The following SLC45A4 variants were observed in gnomAD, a reference collection of about 807,000 sequenced individuals.
SLC45A4 encodes polyamine-transporter SLC45A4.
SLC45A4 carries 32 observed loss-of-function variants against 63.7 expected under a neutral mutation model. That is an observed-to-expected ratio of 0.50 (90% CI 0.38 to 0.67). The LOEUF is 0.67. SLC45A4 is among the 30% of genes least tolerant of loss of function. The probability of loss-of-function intolerance (pLI) is 0.00; values close to 1 mark genes in which losing one functional copy is unlikely to be tolerated. For synonymous variants in SLC45A4, 535 were observed against 510.0 expected (o/e 1.05, Z -0.66); for missense variants, 1,027 against 1,157.7 (o/e 0.89, Z 1.64).
Position 141,278,589 on chromosome 8 carries a change from G to C in SLC45A4, c.-400-23960C>G, listed in dbSNP as rs1589845059. Among the ~76,000 whole-genome samples the C allele has an allele frequency of 6.6e-6, 1 of 151,210 alleles. No individual in the cohort carries two copies. Among genetic ancestry groups the C allele is most frequent in the African/African-American group, 2.5e-5 (1 of 40,470 alleles). On this transcript the variant is annotated intron_variant, in intron 1 of 8. Transcript: ENST00000517878. The surrounding 1 kb of genome is among the most constrained non-coding windows in gnomAD (Gnocchi z 4.1). The stretch of plus-strand genomic sequence containing the variant: ...GGAGGTGGGGCGGGCAGCCGAAGGA[G>C]AGACAGGCCTCTGCCCCCTAGCCAC...
In SLC45A4 at chr8:141,308,141, CGGGCCGGGCA is replaced by C. The variant is rs1276127457; in HGVS notation, c.-456_-447del. ...CGCGGGGGCGGCGGGGCGGCCGGGC[CGGGCCGGGCA>C]GGGGCTACGGGGGCGCGGAGCCCCG... is the stretch of plus-strand genomic sequence containing the variant. On this transcript the variant is annotated 5_prime_UTR_variant, in exon 1 of 9. Coordinates refer to ENST00000517878, the MANE Select transcript of SLC45A4 (RefSeq NM_001286646.2). 1 of 146,112 alleles carries C rather than the reference CGGGCCGGGCA, an allele frequency of 6.8e-6. No individual in the cohort carries two copies. Among genetic ancestry groups the C allele is most frequent in the Non-Finnish European group, 1.5e-5 (1 of 65,670 alleles). The allele number at this position is 146,112 out of a possible 1,614,324, so 9.1% of individuals were successfully genotyped here. A position where few individuals can be genotyped will look rare whatever the true frequency, so the allele number is the denominator to read the frequency against.
intron 1 of SLC45A4, among the ~76,000 whole-genome samples, chr8:141,306,883 G>GAACAATTA (rs1830912467): frequency 6.6e-6 from 1 of 152,178 alleles, no homozygotes; most frequent in Non-Finnish European, 1.5e-5. Context: ...TCACTCATCT[G>GAACAATTA]GTAAACCCTC....
At chr8:141,246,287 C>T (rs11167040) in intron 2 of SLC45A4, among the ~76,000 whole-genome samples, 27,294 of 152,116 alleles carry the variant, frequency 0.18, 2,548 homozygotes, top group South Asian at 0.21. Flanking sequence ...AAACTGCACA[C>T]CACCCAGCGG....
chr8:141,219,921 G>A, intron 3 of SLC45A4, 92 bp from the exon 4 acceptor site: 2 of 1,265,822 alleles, frequency 1.6e-6, no homozygotes, highest in Non-Finnish European at 2.1e-6. Context: ...GGCATGCGGA[G>A]GGGGCACGGC....
chr8:141,262,526 A>C (rs112467242), intron 1 of SLC45A4, among the ~76,000 whole-genome samples: 5 of 151,818 alleles, frequency 3.3e-5, no homozygotes, highest in African/African-American at 1.2e-4. Context: ...TACAAGAAAA[A>C]AAACAACCCC....
At chr8:141,259,012 A>G (rs1828935411) in intron 1 of SLC45A4, among the ~76,000 whole-genome samples, 1 of 152,182 alleles carries the variant, frequency 6.6e-6, no homozygotes, top group South Asian at 2.1e-4. Flanking sequence ...CAGAGTCACA[A>G]GTCCACAGAA....
intron 2 of SLC45A4, among the ~76,000 whole-genome samples, chr8:141,242,528 G>C (rs778537653): frequency 6.6e-6 from 1 of 152,128 alleles, no homozygotes; most frequent in Non-Finnish European, 1.5e-5. Flanking sequence ...TATCAAGAAC[G>C]GGCGAGACAG....
chr8:141,267,842 A>T (rs564376871), intron 1 of SLC45A4, among the ~76,000 whole-genome samples: 102 of 152,206 alleles, frequency 6.7e-4, no homozygotes, highest in Non-Finnish European at 1.2e-3. Flanking sequence ...GGGCAGCAGG[A>T]ACGCTCGTTC....
chr8:141,245,297 T>C (rs182004917), intron 2 of SLC45A4, among the ~76,000 whole-genome samples: 49 of 152,290 alleles, frequency 3.2e-4, no homozygotes, highest in Middle Eastern at 3.4e-3. Context: ...ATTGGGTTGC[T>C]GGCTGCTGCT....
intron 2 of SLC45A4, among the ~76,000 whole-genome samples, chr8:141,233,181 C>T (rs1385759764): frequency 1.3e-5 from 2 of 152,202 alleles, no homozygotes; most frequent in Admixed American, 6.5e-5. Flanking sequence ...TAAGCTGGCT[C>T]TCAGGAGCCA....
In SLC45A4 at chr8:141,218,750, T is replaced by G; in HGVS notation, c.890A>C (p.Tyr297Ser). Reference protein sequence around the residue: ...VQSEHELALDYPDVDIMRSKS... With the variant: ...VQSEHELALDSPDVDIMRSKS... ...GCTGCGCATGATGTCCACGTCCGGGTAGTCCAGGGCCAGCTCGTGCTCCGA... is the reference window on the plus strand; with the variant it reads ...GCTGCGCATGATGTCCACGTCCGGGGAGTCCAGGGCCAGCTCGTGCTCCGA... The change falls in exon 5 of 9, where the codon TAC becomes TCC. Residue 297 changes from tyrosine to serine, a missense_variant. By Grantham distance (144) the Tyr-to-Ser change is moderately radical (BLOSUM62 -2). Transcript: ENST00000517878. The G allele has an allele frequency of 6.2e-7, 1 of 1,612,326 alleles. No homozygotes were observed. The highest frequency in any genetic ancestry group is 8.5e-7 in the Non-Finnish European group (1 of 1,179,530).
In SLC45A4 at chr8:141,256,927, C is replaced by T; in HGVS notation, c.-400-2298G>A. The T allele has an allele frequency of 8.1e-6, 2 of 245,704 alleles. No homozygotes were observed. The highest frequency in any genetic ancestry group is 2.3e-5 in the African/African-American group (1 of 42,996). 15.2% of individuals were successfully genotyped at this position (245,704 alleles called of 1,614,324 possible). A position where few individuals can be genotyped will look rare whatever the true frequency, so the allele number is the denominator to read the frequency against. ...GGAGTGCAGTGGTGTGATCTCGGCT[C>T]ACTGCAACCTCCGCCTCCCAGCTTC... On this transcript the variant is annotated intron_variant, in intron 1 of 8. Transcript: ENST00000517878. The surrounding 1 kb of genome is among the most constrained non-coding windows in gnomAD (Gnocchi z 4.3).
intron 2 of SLC45A4, among the ~76,000 whole-genome samples, chr8:141,250,837 C>T (rs1828431814): frequency 6.6e-6 from 1 of 151,740 alleles, no homozygotes; most frequent in South Asian, 2.1e-4. Context: ...TGTATTTGTC[C>T]TCCTAAATTA....
In SLC45A4 at chr8:141,215,737, C is replaced by T. The variant is rs763782384; in HGVS notation, c.1941+22G>A. On this transcript the variant is annotated intron_variant, in intron 7 of 8. Transcript: ENST00000517878. This position sits in a 1 kb window ranked among gnomAD's most constrained non-coding sequence, Gnocchi z 4.3. ...GCACTCAGGAGGCTGGAGCGCAGAT[C>T]TCAGGGCTACGGTGGACGCACCTGC... 6.2e-7 allele frequency: 1 copy of T among 1,610,562 alleles called. No individual in the cohort carries two copies. The highest frequency in any genetic ancestry group is 8.5e-7 in the Non-Finnish European group (1 of 1,179,652).
chr8:141,212,148 C>A (rs1474782275), intron 8 of SLC45A4, 49 bp downstream of exon 8: 1 of 742,880 alleles, frequency 1.3e-6, no homozygotes, highest in East Asian at 6.9e-5. Flanking sequence ...GCCCGCCCGC[C>A]CGCCCACCCG....
chr8:141,284,794 C>T (rs191016648), intron 1 of SLC45A4, among the ~76,000 whole-genome samples: 17 of 152,226 alleles, frequency 1.1e-4, no homozygotes, highest in Admixed American at 7.2e-4. Flanking sequence ...CAGGAGGCTC[C>T]TTGCCCCTCC....
Position 141,211,512 on chromosome 8 carries a change from C to A in SLC45A4, c.*60G>T, listed in dbSNP as rs778988987. On this transcript the variant is annotated 3_prime_UTR_variant, in exon 9 of 9. Transcript: ENST00000517878. ...TTGGTGTGCGGTCGCTGCCCAAGGA[C>A]AGGGCTGCCCTGGGCACAATGTGTC... The A allele has an allele frequency of 1.5e-5, 24 of 1,611,234 alleles. No homozygotes were observed. In the Admixed American group the frequency reaches 3.2e-4, roughly 21 times the overall value.
At chr8:141,294,265 G>T (rs1830461228) in intron 1 of SLC45A4, among the ~76,000 whole-genome samples, 2 of 152,248 alleles carry the variant, frequency 1.3e-5, no homozygotes, top group African/African-American at 4.8e-5. Flanking sequence ...GACTGGTCAG[G>T]GTGGCTGGAC....
rs543682102 is a variant in SLC45A4, at chr8:141,212,170, G to A, written c.2301+27C>T. ...CGCCCGCCCACCCGCCCACTGGAAT[G>A]TGTGTAAACGGGAGTGCGGCTCAGA... On this transcript the variant is annotated intron_variant, in intron 8 of 8. Transcript: ENST00000517878. 1.7e-5 allele frequency: 11 copies of A among 638,406 alleles called. No individual in the cohort carries two copies. The South Asian group carries it at 5.9e-4, about 34-fold the overall frequency. 39.5% of individuals were successfully genotyped at this position (638,406 alleles called of 1,614,324 possible). A position where few individuals can be genotyped will look rare whatever the true frequency, so the allele number is the denominator to read the frequency against.
Sources: allele counts gnomAD v4.1 joint callset (sites outside exome capture counted in the v4.1 genomes callset), GRCh38; gene constraint gnomAD v4.1.1; non-coding constraint Gnocchi (gnomAD v3.1); transcripts MANE v1.5; gene names NCBI Gene and HGNC (gene_info 2026-07-23, HGNC 2026-07-21).